The following HRH2 variants were observed in gnomAD, a reference collection of about 807,000 sequenced individuals.
HRH2 encodes the protein histamine receptor H2, also known as histamine H2 receptor.
Under a neutral mutation model 20.1 loss-of-function variants are expected in HRH2, and 4 were observed. That is an observed-to-expected ratio of 0.20 (90% CI 0.10 to 0.45). The LOEUF is 0.45. HRH2 is among the 20% of genes least tolerant of loss of function. The pLI is 0.99. For synonymous variants in HRH2, 197 were observed against 200.7 expected (o/e 0.98, Z 0.16); for missense variants, 250 against 461.6 (o/e 0.54, Z 4.20).
chr5:175,689,316 GCCCCCTTCTTCCCCCT>G (rs1756283494), intron 2 of HRH2, among the ~76,000 whole-genome samples: 1 of 148,154 alleles, frequency 6.7e-6, no homozygotes, highest in African/African-American at 2.5e-5. Flanking sequence ...CTCAGCCCAG[GCCCCCTTCTTCCCCCT>G]CTTGACTTAC....
chr5:175,678,077 G>A (rs533429355), intron 1 of HRH2, among the ~76,000 whole-genome samples: 1 of 152,298 alleles, frequency 6.6e-6, no homozygotes, highest in South Asian at 2.1e-4. Context: ...TACCTACACC[G>A]TGATACATTC....
rs988756047 is a variant in HRH2, at chr5:175,710,644, C to T, written c.*2673C>T. Reference sequence around the variant, plus strand: ...CCACCTTCTGCAGGCCTCCTGGAGCCTCTGCTGGCTGCAGAAGTGGGGTGC... The same window carrying T: ...CCACCTTCTGCAGGCCTCCTGGAGCTTCTGCTGGCTGCAGAAGTGGGGTGC... On this transcript the variant is annotated 3_prime_UTR_variant, in exon 3 of 3. Transcript: ENST00000636584. The T allele has an allele frequency of 3.3e-5, 5 of 152,374 alleles. No homozygotes were observed. Among genetic ancestry groups the T allele is most frequent in the African/African-American group, 1.2e-4 (5 of 41,578 alleles). 9.4% of individuals were successfully genotyped at this position (152,374 alleles called of 1,614,324 possible). A position where few individuals can be genotyped will look rare whatever the true frequency, so the allele number is the denominator to read the frequency against.
At chr5:175,666,323 C>A (rs1244662592) in intron 1 of HRH2, among the ~76,000 whole-genome samples, 6 of 152,196 alleles carry the variant, frequency 3.9e-5, no homozygotes, top group Non-Finnish European at 8.8e-5. Context: ...TCTGGAAGCC[C>A]TGCCACCCCC....
chr5:175,669,279 TATA>T (rs1024491505), intron 1 of HRH2, among the ~76,000 whole-genome samples: 3 of 152,154 alleles, frequency 2.0e-5, no homozygotes, highest in Admixed American at 6.5e-5. Flanking sequence ...CCTGCCACCG[TATA>T]ATATTTTTTG....
Position 175,687,451 on chromosome 5 carries a change from G to A in HRH2, c.1076+3142G>A, listed in dbSNP as rs956619297. Among the ~76,000 whole-genome samples, 2 of 152,160 alleles carry A rather than the reference G, an allele frequency of 1.3e-5. No individual in the cohort carries two copies. The highest frequency in any genetic ancestry group is 4.8e-5 in the African/African-American group (2 of 41,426). On this transcript the variant is annotated intron_variant, in intron 2 of 2. Transcript: ENST00000636584. This position sits in a 1 kb window ranked among gnomAD's most constrained non-coding sequence, Gnocchi z 5.2. ...CCCTGGGTGGGGTGGGGGCACCGTC[G>A]GCCAAGGGGTGACTCCAGAAGATAG...
At chr5:175,660,597 C>T (rs1255154412) in intron 1 of HRH2, among the ~76,000 whole-genome samples, 3 of 152,142 alleles carry the variant, frequency 2.0e-5, no homozygotes, top group African/African-American at 7.2e-5. Context: ...CTTGACTTTC[C>T]AGATTTTATG....
Position 175,687,047 on chromosome 5 carries a change from G to A in HRH2, c.1076+2738G>A, listed in dbSNP as rs1299844179. ...GGTCATGCATGCAGCCGTGGAGGCA[G>A]GGCCAGATCCGAGTCCAGAGCCCAT... On this transcript the variant is annotated intron_variant, in intron 2 of 2. Coordinates refer to ENST00000636584, the MANE Select transcript of HRH2 (RefSeq NM_001367711.1). The surrounding 1 kb of genome is among the most constrained non-coding windows in gnomAD (Gnocchi z 5.2). Among the ~76,000 whole-genome samples, 2 of 152,152 alleles carry A rather than the reference G, an allele frequency of 1.3e-5. No individual in the cohort carries two copies. Among genetic ancestry groups the A allele is most frequent in the Non-Finnish European group, 2.9e-5 (2 of 68,018 alleles).
intron 2 of HRH2, among the ~76,000 whole-genome samples, chr5:175,697,991 A>G (rs116099037): frequency 0.016 from 2,421 of 152,300 alleles, 66 homozygotes; most frequent in African/African-American, 0.055. Flanking sequence ...ATGGCCATAC[A>G]ATCTTGCTGG....
intron 2 of HRH2, among the ~76,000 whole-genome samples, chr5:175,702,202 A>G (rs1404415576): frequency 2.0e-5 from 3 of 152,190 alleles, no homozygotes; most frequent in Non-Finnish European, 4.4e-5. Flanking sequence ...TAGAGATTCC[A>G]TATGGTATGG....
At chr5:175,668,502 T>G (rs1755396069) in intron 1 of HRH2, among the ~76,000 whole-genome samples, 1 of 152,186 alleles carries the variant, frequency 6.6e-6, no homozygotes, top group South Asian at 2.1e-4. Flanking sequence ...GGCTGGGTTA[T>G]TAGCCCCATT....
chr5:175,672,262 T>TTTG (rs1755571395), intron 1 of HRH2, among the ~76,000 whole-genome samples: 1 of 152,118 alleles, frequency 6.6e-6, no homozygotes, highest in Non-Finnish European at 1.5e-5. Flanking sequence ...CCTGAGCAGT[T>TTTG]TTGCCCCTGG....
At chr5:175,682,413 T>C (rs937757620) in intron 1 of HRH2, among the ~76,000 whole-genome samples, 4 of 152,198 alleles carry the variant, frequency 2.6e-5, no homozygotes, top group African/African-American at 7.2e-5. Context: ...GGCCTTCTTC[T>C]TGTGGAGCTG....
At position 175,697,022 on chromosome 5, in the gene HRH2, G is replaced by C. The variant is rs985886042; in HGVS notation, c.1077-10757G>C. On this transcript the variant is annotated intron_variant, in intron 2 of 2. Coordinates refer to ENST00000636584, the MANE Select transcript of HRH2 (RefSeq NM_001367711.1). Reference sequence around the variant, plus strand: ...CCAGCTGTGTGACCTCGGTCAGGGCGCTCAACCCCAGGGAAGGCCAGTCCC... The same window carrying C: ...CCAGCTGTGTGACCTCGGTCAGGGCCCTCAACCCCAGGGAAGGCCAGTCCC... 3.9e-5 allele frequency among the ~76,000 whole-genome samples: 6 copies of C among 152,306 alleles called. No homozygotes were observed. The South Asian group carries it at 1.2e-3, about 32-fold the overall frequency.
At chr5:175,697,314 T>G (rs1756627396) in intron 2 of HRH2, among the ~76,000 whole-genome samples, 1 of 151,372 alleles carries the variant, frequency 6.6e-6, no homozygotes, top group African/African-American at 2.4e-5. Flanking sequence ...ATACAAAAAA[T>G]TAGCCGGGCG....
chr5:175,663,504 C>T lies in HRH2; in HGVS notation c.-526+5349C>T, dbSNP rs778082458. 1.6e-4 allele frequency among the ~76,000 whole-genome samples: 24 copies of T among 152,290 alleles called. No individual in the cohort carries two copies. In the East Asian group the frequency reaches 3.5e-3, roughly 22 times the overall value. ...CAGAGTCACCTTTTAAACTTCAATG[C>T]GTCACTCCCTTACTTGGACTGAAAT... On this transcript the variant is annotated intron_variant, in intron 1 of 2. Coordinates refer to ENST00000636584, the MANE Select transcript of HRH2 (RefSeq NM_001367711.1).
Position 175,683,350 on chromosome 5 carries a change from C to G in HRH2, c.117C>G (p.Val39=). The G allele has an allele frequency of 6.2e-7, 1 of 1,614,218 alleles. No homozygotes were observed. The highest frequency in any genetic ancestry group is 8.5e-7 in the Non-Finnish European group (1 of 1,180,042). The change falls in exon 2 of 3, where the codon GTC becomes GTG. Residue 39 remains valine (V), a synonymous_variant. Transcript: ENST00000636584. ...ILITVAGNVV[V]CLAVGLNRRL... is the part of the protein sequence containing the mutation. ...TCACCGTTGCTGGCAATGTGGTCGT[C>G]TGTCTGGCCGTGGGCTTGAACCGCC...
intron 1 of HRH2, among the ~76,000 whole-genome samples, chr5:175,667,996 T>G (rs1380033416): frequency 6.6e-6 from 1 of 152,170 alleles, no homozygotes; most frequent in African/African-American, 2.4e-5. Flanking sequence ...AAAGGGGATG[T>G]GGGGTTCATC....
intron 2 of HRH2, among the ~76,000 whole-genome samples, chr5:175,684,910 T>A (rs1756115999): frequency 6.6e-6 from 1 of 151,772 alleles, no homozygotes. Context: ...TTAGGAAAGG[T>A]GAAAGAGTTA....
intron 2 of HRH2, among the ~76,000 whole-genome samples, chr5:175,706,624 C>T (rs1294656999): frequency 6.6e-6 from 1 of 152,180 alleles, no homozygotes; most frequent in Non-Finnish European, 1.5e-5. Flanking sequence ...ACACTGCTAA[C>T]ATGGTAAAGG....
Sources: allele counts gnomAD v4.1 joint callset (sites outside exome capture counted in the v4.1 genomes callset), GRCh38; gene constraint gnomAD v4.1.1; non-coding constraint Gnocchi (gnomAD v3.1); transcripts MANE v1.5; gene names NCBI Gene and HGNC (gene_info 2026-07-23, HGNC 2026-07-21).